SLC6A6: variants seen among roughly 807,000 people sequenced by gnomAD.
SLC6A6 encodes the protein solute carrier family 6 member 6.
A neutral mutation model predicts 68.8 loss-of-function variants in SLC6A6; 16 were observed. The observed-to-expected ratio is 0.23, with a 90% CI of 0.16 to 0.35. The LOEUF (loss-of-function observed/expected upper bound fraction) is 0.35, where lower values mean the gene tolerates loss of function less well. Ranked by LOEUF, SLC6A6 falls within the 10% of genes least tolerant of loss-of-function variation. The probability of loss-of-function intolerance (pLI) is 1.00; values close to 1 mark genes in which losing one functional copy is unlikely to be tolerated. For synonymous variants in SLC6A6, 312 were observed against 315.4 expected, an observed-to-expected ratio of 0.99 and a Z score of 0.12; for missense variants, 474 against 802.8, an observed-to-expected ratio of 0.59 and a Z score of 4.95.
At chr3:14,420,204 G>A (rs887286258) in intron 2 of SLC6A6, among the ~76,000 whole-genome samples, 7 of 152,190 alleles carry the variant, frequency 4.6e-5, no homozygotes, top group Admixed American at 1.3e-4. Flanking sequence ...AGGCTGAGGC[G>A]GGTGGATCAC....
At chr3:14,467,506 A>G (rs1227870404) in intron 7 of SLC6A6, among the ~76,000 whole-genome samples, 2 of 152,222 alleles carry the variant, frequency 1.3e-5, no homozygotes, top group Non-Finnish European at 2.9e-5. Context: ...TCTATGGGGT[A>G]GGGCAAAGGA....
intron 9 of SLC6A6, among the ~76,000 whole-genome samples, chr3:14,471,835 C>T (rs1252676361): frequency 6.6e-6 from 1 of 152,246 alleles, no homozygotes. Context: ...CCGCCTCCTT[C>T]CAGCAAAGGC....
chr3:14,448,010 T>C (rs1574942049), intron 5 of SLC6A6, 194 bp downstream of exon 5: 1 of 1,386,222 alleles, frequency 7.2e-7, no homozygotes, highest in Non-Finnish European at 9.5e-7. Context: ...TTACTGGCTG[T>C]TTGACCTTAG....
At chr3:14,408,866 G>A (rs962554075) in intron 1 of SLC6A6, among the ~76,000 whole-genome samples, 1 of 151,978 alleles carries the variant, frequency 6.6e-6, no homozygotes, top group African/African-American at 2.4e-5. Flanking sequence ...GAGTGCAGTG[G>A]CGTGATCTCA....
intron 1 of SLC6A6, among the ~76,000 whole-genome samples, chr3:14,407,146 C>A (rs1029231655): frequency 6.6e-6 from 1 of 151,426 alleles, no homozygotes. Context: ...ATCTCCTGGG[C>A]TCAAGTGATC....
rs111405663 is a variant in SLC6A6, at chr3:14,422,791, C to T, written c.-12+6338C>T. ...CTGGGCCATTGTGTTGCAAAGGACT[C>T]ACGCCTCCTACCTCCTTTGCTACCT... is the stretch of plus-strand genomic sequence containing the variant. On this transcript the variant is annotated intron_variant, in intron 2 of 14. Coordinates refer to ENST00000622186, the MANE Select transcript of SLC6A6 (RefSeq NM_003043.6). Among the ~76,000 whole-genome samples the T allele has an allele frequency of 4.5e-3, 681 of 152,330 alleles. 5 individuals carry two copies. The highest frequency in any genetic ancestry group is 0.01 in the Admixed American group (160 of 15,308).
chr3:14,480,217 T>C (rs1038823683), intron 13 of SLC6A6, among the ~76,000 whole-genome samples: 3 of 152,162 alleles, frequency 2.0e-5, no homozygotes, highest in African/African-American at 7.2e-5. Context: ...GTGCAGACTT[T>C]CTCCCACAAA....
chr3:14,444,944 G>A, intron 3 of SLC6A6: 1 of 428,954 alleles, frequency 2.3e-6, no homozygotes. Flanking sequence ...CCTACCCTCT[G>A]CCCCTTACCA....
rs570585320 is a variant in SLC6A6 at position 14,449,053 on chromosome 3, A to C, written c.599+1237A>C. ...TTTGTGTGTGGTTTTGCCATTTTCAAGGTGTTTACCCACCTCTTAGGAGCT... is the reference window on the plus strand; with the variant it reads ...TTTGTGTGTGGTTTTGCCATTTTCACGGTGTTTACCCACCTCTTAGGAGCT... On this transcript the variant is annotated intron_variant, in intron 5 of 14. Coordinates refer to ENST00000622186, the MANE Select transcript of SLC6A6 (RefSeq NM_003043.6). Among the ~76,000 whole-genome samples, 14 of 152,338 alleles carry C rather than the reference A, an allele frequency of 9.2e-5. No individual in the cohort carries two copies. The South Asian group carries it at 2.9e-3, about 32-fold the overall frequency.
At chr3:14,424,076 G>A (rs1477195666) in intron 2 of SLC6A6, among the ~76,000 whole-genome samples, 1 of 152,174 alleles carries the variant, frequency 6.6e-6, no homozygotes, top group Non-Finnish European at 1.5e-5. Flanking sequence ...TCAAACCCCT[G>A]CCAGCTCTGC....
intron 14 of SLC6A6, among the ~76,000 whole-genome samples, chr3:14,483,854 A>C (rs1361325537): frequency 6.6e-6 from 1 of 151,626 alleles, no homozygotes; most frequent in East Asian, 1.9e-4. Flanking sequence ...GCTAATTTTT[A>C]ATTTTTTTTT....
intron 2 of SLC6A6, among the ~76,000 whole-genome samples, chr3:14,431,281 G>A (rs991799979): frequency 6.6e-6 from 1 of 152,196 alleles, no homozygotes; most frequent in African/African-American, 2.4e-5. Context: ...GCCTGACGTG[G>A]AAGGCTGTTT....
chr3:14,444,946 C>T, intron 3 of SLC6A6: 1 of 433,856 alleles, frequency 2.3e-6, no homozygotes, highest in South Asian at 1.6e-5. Flanking sequence ...TACCCTCTGC[C>T]CCTTACCACC....
At chr3:14,435,048 CCTGCTCACTGT>C (rs1473292590) in intron 2 of SLC6A6, among the ~76,000 whole-genome samples, 4 of 152,222 alleles carry the variant, frequency 2.6e-5, no homozygotes, top group Non-Finnish European at 4.4e-5. Flanking sequence ...CTTTGCAAAA[CCTGCTCACTGT>C]CATCCACTCT....
At chr3:14,439,423 C>T (rs1012213478) in intron 2 of SLC6A6, among the ~76,000 whole-genome samples, 14 of 152,216 alleles carry the variant, frequency 9.2e-5, no homozygotes, top group Admixed American at 5.9e-4. Context: ...CTGCACCTGC[C>T]TGCGTGTGTG....
At chr3:14,424,218 C>G (rs907105144) in intron 2 of SLC6A6, among the ~76,000 whole-genome samples, 13 of 151,880 alleles carry the variant, frequency 8.6e-5, no homozygotes, top group Non-Finnish European at 1.5e-4. Context: ...TGCTGTGGTT[C>G]AGGCCCCAGC....
intron 1 of SLC6A6, among the ~76,000 whole-genome samples, chr3:14,409,342 G>A (rs1165473663): frequency 1.3e-5 from 2 of 152,256 alleles, no homozygotes; most frequent in Non-Finnish European, 1.5e-5. Flanking sequence ...CCCGGAGGGT[G>A]CAGAGGAGCC....
In SLC6A6 at chr3:14,468,295, A is replaced by C. The variant is rs2124981823; in HGVS notation, c.1096+83A>C. 2 of 1,268,776 alleles carry C rather than the reference A, an allele frequency of 1.6e-6. No homozygotes were observed. The highest frequency in any genetic ancestry group is 5.3e-5 in the East Asian group (2 of 37,974). The allele number at this position is 1,268,776 out of a possible 1,614,324, so 78.6% of individuals were successfully genotyped here. ...TACTGCAGGCATGAAGCCAGACCCC[A>C]GGGGGCTTTGAGGGGGGACGAGCCT... On this transcript the variant is annotated intron_variant, in intron 9 of 14. Transcript: ENST00000622186. The surrounding 1 kb of genome is among the most constrained non-coding windows in gnomAD (Gnocchi z 4.5).
At chr3:14,459,638 T>C (rs978937910) in intron 6 of SLC6A6, among the ~76,000 whole-genome samples, 2 of 152,134 alleles carry the variant, frequency 1.3e-5, no homozygotes, top group African/African-American at 4.8e-5. Flanking sequence ...CTGCACCTCC[T>C]TGGAGAGCAC....
Sources: gnomAD v4.1 joint callset for allele counts (sites outside exome capture counted in the v4.1 genomes callset) on GRCh38, gnomAD v4.1.1 for gene constraint, Gnocchi (gnomAD v3.1) non-coding constraint, MANE v1.5 for transcripts, NCBI Gene and HGNC (gene_info 2026-07-23, HGNC 2026-07-21) for gene names.